The following HIVEP3 variants were observed in gnomAD, a reference collection of about 807,000 sequenced individuals.
The protein encoded by HIVEP3 is transcription factor HIVEP3.
Under a neutral mutation model 152.8 loss-of-function variants are expected in HIVEP3, and 49 were observed. The ratio of observed to expected loss-of-function variants is 0.32; its 90% CI spans 0.26 to 0.41. The LOEUF is 0.41. Among genes scored for constraint, HIVEP3 ranks in the 10% least tolerant of loss-of-function variants. HIVEP3 has a pLI of 1.00. For missense variants in HIVEP3, 2,790 were observed against 3,103.3 expected, an observed-to-expected ratio of 0.90 and a Z score of 2.40; for synonymous variants, 1,269 against 1,289.0, an observed-to-expected ratio of 0.98 and a Z score of 0.33.
intron 1 of HIVEP3, among the ~76,000 whole-genome samples, chr1:42,022,610 A>G (rs1414957575): frequency 6.6e-6 from 1 of 152,208 alleles, no homozygotes; most frequent in Non-Finnish European, 1.5e-5. Flanking sequence ...TATTCTTCTC[A>G]GCAACCTGCA....
intron 2 of HIVEP3, among the ~76,000 whole-genome samples, chr1:41,637,991 G>C (rs185566779): frequency 3.2e-4 from 48 of 152,234 alleles, no homozygotes; most frequent in African/African-American, 1.1e-3. Context: ...CTTATAAGTG[G>C]AATCTAAATA....
At chr1:42,032,941 C>G (rs1195522207) in intron 1 of HIVEP3, among the ~76,000 whole-genome samples, 1 of 152,142 alleles carries the variant, frequency 6.6e-6, no homozygotes, top group African/African-American at 2.4e-5. Flanking sequence ...GTTTCCCATT[C>G]CCTAGCACCA....
intron 2 of HIVEP3, among the ~76,000 whole-genome samples, chr1:41,685,344 T>C (rs1397946839): frequency 6.6e-6 from 1 of 152,218 alleles, no homozygotes; most frequent in Admixed American, 6.5e-5. Context: ...CTTCAGTTTG[T>C]GGCTTTCTAT....
rs773316067 is a variant in HIVEP3 at position 41,511,231 on chromosome 1, G to C, written c.6441C>G (p.Pro2147=). The change falls in exon 9 of 9, where the codon CCC becomes CCG. Residue 2147 remains proline, a synonymous_variant. Coordinates refer to ENST00000372583, the MANE Select transcript of HIVEP3 (RefSeq NM_024503.5). The surrounding 1 kb of genome is among the most constrained non-coding windows in gnomAD (Gnocchi z 4.9). ...GGGAGGAGAGAGGATGAGCAGGGCC[G>C]GGTGAGCAGGAGGGACTTCGGGACT... ...KAESRSPSCS[P]GPAHPLSSRP... The C allele has an allele frequency of 2.5e-6, 4 of 1,612,242 alleles. No individual in the cohort carries two copies. In the African/African-American group the frequency reaches 4.0e-5, roughly 16 times the overall value.
chr1:41,683,710 TCTCACTAGGGCC>T (rs1646074118), intron 2 of HIVEP3, among the ~76,000 whole-genome samples: 2 of 152,178 alleles, frequency 1.3e-5, no homozygotes, highest in African/African-American at 4.8e-5. Flanking sequence ...CTTCTTGGAC[TCTCACTAGGGCC>T]CAGGACTCAG....
chr1:41,921,632 C>A (rs371912187), upstream of HIVEP3, among the ~76,000 whole-genome samples: 2 of 151,942 alleles, frequency 1.3e-5, no homozygotes, highest in African/African-American at 4.8e-5. Flanking sequence ...AATACAGACC[C>A]CTAAGAAGTA....
chr1:41,565,970 T>A (rs573573131), intron 5 of HIVEP3, among the ~76,000 whole-genome samples: 156 of 152,272 alleles, frequency 1.0e-3, no homozygotes, highest in African/African-American at 3.6e-3. Context: ...CATTTTTTTT[T>A]AACCATCCAT....
At chr1:41,620,860 A>T (rs1645037395) in intron 3 of HIVEP3, among the ~76,000 whole-genome samples, 1 of 152,094 alleles carries the variant, frequency 6.6e-6, no homozygotes, top group Non-Finnish European at 1.5e-5. Flanking sequence ...CTGATCAACC[A>T]CTACTGTGCA....
intron 1 of HIVEP3, among the ~76,000 whole-genome samples, chr1:41,890,284 A>T (rs1306931509): frequency 6.6e-6 from 1 of 152,204 alleles, no homozygotes; most frequent in African/African-American, 2.4e-5. Context: ...CAAACATAGC[A>T]CCTGCCTCCA....
At chr1:41,656,786 C>G (rs1166000729) in intron 2 of HIVEP3, among the ~76,000 whole-genome samples, 1 of 152,186 alleles carries the variant, frequency 6.6e-6, no homozygotes, top group East Asian at 1.9e-4. Flanking sequence ...AAAAATGCAG[C>G]AAATTACACA....
chr1:41,741,103 A>G (rs2124205641), intron 1 of HIVEP3, among the ~76,000 whole-genome samples: 1 of 152,330 alleles, frequency 6.6e-6, no homozygotes, highest in Middle Eastern at 3.4e-3. Flanking sequence ...AGTGAGGCAA[A>G]AACAGGCTCA....
At chr1:41,536,659 G>A (rs1643408683) in intron 5 of HIVEP3, among the ~76,000 whole-genome samples, 1 of 151,982 alleles carries the variant, frequency 6.6e-6, no homozygotes, top group South Asian at 2.1e-4. Flanking sequence ...ACATGAAGTT[G>A]TTACATCTTC....
chr1:41,748,404 A>T (rs953865839), intron 1 of HIVEP3, among the ~76,000 whole-genome samples: 3 of 152,184 alleles, frequency 2.0e-5, no homozygotes, highest in African/African-American at 7.2e-5. Flanking sequence ...GACCATGGAG[A>T]GGTCATTTCC....
chr1:41,727,276 C>G (rs1356946085), intron 1 of HIVEP3, among the ~76,000 whole-genome samples: 2 of 152,214 alleles, frequency 1.3e-5, no homozygotes, highest in African/African-American at 4.8e-5. Flanking sequence ...AAGCAGGGAA[C>G]CTGGGGCTGC....
intron 1 of HIVEP3, among the ~76,000 whole-genome samples, chr1:41,773,050 A>C (rs1417177928): frequency 6.6e-6 from 1 of 152,238 alleles, no homozygotes; most frequent in Non-Finnish European, 1.5e-5. Flanking sequence ...TCATGGAATC[A>C]GTAAGTGGCA....
chr1:41,890,315 G>A (rs989812162), intron 1 of HIVEP3, among the ~76,000 whole-genome samples: 1 of 152,184 alleles, frequency 6.6e-6, no homozygotes, highest in Non-Finnish European at 1.5e-5. Context: ...AGCCTAAAGG[G>A]AGAAACAGAA....
At chr1:41,919,809 C>A (rs184099048), upstream of HIVEP3, among the ~76,000 whole-genome samples, 1 of 152,166 alleles carries the variant, frequency 6.6e-6, no homozygotes, top group African/African-American at 2.4e-5. Context: ...AAAGAGGTAG[C>A]GCTGAGAAGA....
rs576530738 is a variant in HIVEP3, at chr1:41,968,242, C to CA, written n.120-49719dup. On this transcript the variant is annotated intron_variant and non_coding_transcript_variant, in intron 1 of 3. Coordinates refer to the HIVEP3 transcript ENST00000489103. The stretch of plus-strand genomic sequence containing the variant: ...ATAGAGATACAACCTGGCAGAGATA[C>CA]AAAAAAAAAAAGAAAAAGAAAACTT... 1.9e-3 allele frequency among the ~76,000 whole-genome samples: 256 copies of CA among 136,402 alleles called. 1 individual carries two copies. Among genetic ancestry groups the CA allele is most frequent in the Admixed American group, 8.5e-3 (115 of 13,572 alleles). 89.5% of individuals were successfully genotyped at this position (136,402 alleles called of 152,430 possible). A position where few individuals can be genotyped will look rare whatever the true frequency, so the allele number is the denominator to read the frequency against.
intron 1 of HIVEP3, among the ~76,000 whole-genome samples, chr1:41,846,350 G>A (rs941294113): frequency 6.6e-6 from 1 of 152,150 alleles, no homozygotes; most frequent in Admixed American, 6.5e-5. Flanking sequence ...CATAAAACAT[G>A]GAGACTTTGT....
Sources: gnomAD v4.1 joint callset for allele counts (sites outside exome capture counted in the v4.1 genomes callset) on GRCh38, gnomAD v4.1.1 for gene constraint, Gnocchi (gnomAD v3.1) non-coding constraint, MANE v1.5 for transcripts, NCBI Gene and HGNC (gene_info 2026-07-23, HGNC 2026-07-21) for gene names.